Variants in LPAR5 observed in about 807,000 individuals in gnomAD.
LPAR5 encodes lysophosphatidic acid receptor 5.
For missense variants in LPAR5, 544 were observed against 521.8 expected, an observed-to-expected ratio of 1.04 and a Z score of -0.41; for synonymous variants, 271 against 261.6, an observed-to-expected ratio of 1.04 and a Z score of -0.35.
chr12:6,622,766 T>C (rs891614182), intron 1 of LPAR5, among the ~76,000 whole-genome samples: 1 of 151,036 alleles, frequency 6.6e-6, no homozygotes, highest in Non-Finnish European at 1.5e-5. Flanking sequence ...ATAAAAAATA[T>C]TAAAAAATTA....
chr12:6,620,977 T>C lies in LPAR5; in HGVS notation c.272A>G (p.Asp91Gly). 6.2e-7 allele frequency: 1 copy of C among 1,612,722 alleles called. No individual in the cohort carries two copies. Among genetic ancestry groups the C allele is most frequent in the African/African-American group, 1.3e-5 (1 of 74,812 alleles). The change falls in exon 2 of 2, where the codon GAC becomes GGC. Residue 91 changes from aspartate to glycine, a missense_variant. By Grantham distance (94) the Asp-to-Gly change is moderately conservative (BLOSUM62 -1). Coordinates refer to ENST00000329858, the MANE Select transcript of LPAR5 (RefSeq NM_020400.6). The surrounding 1 kb of genome is among the most constrained non-coding windows in gnomAD (Gnocchi z 6.8). Reference protein sequence around the residue: ...YYALHHWPFPDLLCQTTGAIF... With the variant: ...YYALHHWPFPGLLCQTTGAIF... ...GGCGCCCGTCGTCTGGCACAGGAGGTCGGGGAAGGGCCAGTGGTGCAGTGC... is the reference window on the plus strand; with the variant it reads ...GGCGCCCGTCGTCTGGCACAGGAGGCCGGGGAAGGGCCAGTGGTGCAGTGC...
At chr12:6,634,118 G>T (rs931754939) in intron 1 of LPAR5, among the ~76,000 whole-genome samples, 1 of 152,046 alleles carries the variant, frequency 6.6e-6, no homozygotes, top group Admixed American at 6.6e-5. Context: ...GGATTCTCCT[G>T]CCTCAGCCTC....
chr12:6,627,727 G>A (rs1948951445), intron 1 of LPAR5, among the ~76,000 whole-genome samples: 2 of 152,032 alleles, frequency 1.3e-5, no homozygotes, highest in Admixed American at 1.3e-4. Context: ...CCTAGGGTGG[G>A]AGCGCACCTT....
intron 1 of LPAR5, among the ~76,000 whole-genome samples, chr12:6,622,764 TATTAAAAA>T (rs1033273780): frequency 2.7e-5 from 4 of 150,878 alleles, no homozygotes; most frequent in South Asian, 4.2e-4. Flanking sequence ...AAATAAAAAA[TATTAAAAA>T]ATTAAAAAAT....
At chr12:6,628,669 G>A (rs1013411810) in intron 1 of LPAR5, among the ~76,000 whole-genome samples, 5 of 106,672 alleles carry the variant, frequency 4.7e-5, no homozygotes, top group Non-Finnish European at 9.6e-5. Context: ...TTTCACTTTT[G>A]TTGCCCAGAC....
chr12:6,627,380 A>G lies in LPAR5; in HGVS notation c.-216-5916T>C, dbSNP rs542099373. Among the ~76,000 whole-genome samples, 10 of 152,336 alleles carry G rather than the reference A, an allele frequency of 6.6e-5. No homozygotes were observed. The South Asian group carries it at 1.5e-3, about 22-fold the overall frequency. On this transcript the variant is annotated intron_variant, in intron 1 of 1. Transcript: ENST00000329858. ...GCCGAGGCAGGCGTATCACGAGGCC[A>G]GGAGTTCGAGACCAGCCTGGCCAAC...
chr12:6,632,031 G>C lies in LPAR5; in HGVS notation c.-217+3876C>G, dbSNP rs1211154785. Among the ~76,000 whole-genome samples, 3 of 152,104 alleles carry C rather than the reference G, an allele frequency of 2.0e-5. No individual in the cohort carries two copies. The East Asian group carries it at 5.8e-4, about 29-fold the overall frequency. On this transcript the variant is annotated intron_variant, in intron 1 of 1. Coordinates refer to ENST00000329858, the MANE Select transcript of LPAR5 (RefSeq NM_020400.6). ...CTGTCGCCTGAGCTGGAGTGCAACG[G>C]TGCAATCTCAGCTCACTGCAACCTC...
intron 1 of LPAR5, among the ~76,000 whole-genome samples, chr12:6,627,374 G>A (rs1948949110): frequency 6.6e-6 from 1 of 152,110 alleles, no homozygotes; most frequent in African/African-American, 2.4e-5. Flanking sequence ...GGCGTATCAC[G>A]AGGCCAGGAG....
At chr12:6,629,830 C>A (rs1187625192) in intron 1 of LPAR5, among the ~76,000 whole-genome samples, 1 of 151,618 alleles carries the variant, frequency 6.6e-6, no homozygotes, top group East Asian at 2.0e-4. Flanking sequence ...TCAAAACCAG[C>A]CTGGTCAACA....
intron 1 of LPAR5, among the ~76,000 whole-genome samples, chr12:6,631,969 G>A (rs538375559): frequency 6.0e-5 from 9 of 150,852 alleles, no homozygotes; most frequent in East Asian, 2.0e-4. Flanking sequence ...CTTTCTTTCC[G>A]TTTTTTTTTC....
At chr12:6,632,483 C>T (rs558684158) in intron 1 of LPAR5, among the ~76,000 whole-genome samples, 3 of 152,178 alleles carry the variant, frequency 2.0e-5, no homozygotes, top group East Asian at 1.9e-4. Context: ...CTAACCCACT[C>T]GCTGAATTAG....
At chr12:6,629,001 C>T (rs1948964435) in intron 1 of LPAR5, among the ~76,000 whole-genome samples, 1 of 148,250 alleles carries the variant, frequency 6.7e-6, no homozygotes, top group East Asian at 2.2e-4. Flanking sequence ...GAACTCCTGA[C>T]CTCAGGTAAT....
chr12:6,620,160 G>A lies in LPAR5; in HGVS notation c.1089C>T (p.Phe363=), dbSNP rs2136239107. The change falls in exon 2 of 2, where the codon TTC becomes TTT. Residue 363 remains phenylalanine (F), a synonymous_variant. Transcript: ENST00000329858. The surrounding 1 kb of genome is among the most constrained non-coding windows in gnomAD (Gnocchi z 6.8). ...GGGCGGAATCCTGGGGACACTGTGT[G>A]AAGGAAGACAGAGAGTGGGAGTCGG... is the stretch of plus-strand genomic sequence containing the variant. ...RPSDSHSLSS[F]TQCPQDSAL is the part of the protein sequence containing the mutation. 9 of 1,613,544 alleles carry A rather than the reference G, an allele frequency of 5.6e-6. No homozygotes were observed. The highest frequency in any genetic ancestry group is 7.6e-6 in the Non-Finnish European group (9 of 1,179,618).
intron 1 of LPAR5, among the ~76,000 whole-genome samples, chr12:6,625,701 C>T (rs892096366): frequency 2.2e-5 from 3 of 139,400 alleles, no homozygotes; most frequent in East Asian, 2.1e-4. Context: ...CCAGCCTGGG[C>T]GACAGTGAGA....
chr12:6,628,350 G>C (rs1028779442), intron 1 of LPAR5, among the ~76,000 whole-genome samples: 7 of 152,046 alleles, frequency 4.6e-5, no homozygotes, highest in African/African-American at 1.7e-4. Flanking sequence ...ATTACTTGGA[G>C]AACCAGTAGA....
intron 1 of LPAR5, among the ~76,000 whole-genome samples, chr12:6,622,751 AT>A (rs1264753087): frequency 6.6e-6 from 1 of 151,726 alleles, no homozygotes; most frequent in Non-Finnish European, 1.5e-5. Context: ...TCAAAAAAAA[AT>A]AAAATAAAAA....
intron 1 of LPAR5, among the ~76,000 whole-genome samples, chr12:6,631,312 A>G (rs1012776805): frequency 3.3e-5 from 5 of 152,324 alleles, no homozygotes; most frequent in Admixed American, 6.5e-5. Context: ...TGCATAGACA[A>G]CTGGGCTGGG....
chr12:6,629,097 C>A lies in LPAR5; in HGVS notation c.-217+6810G>T. On this transcript the variant is annotated intron_variant, in intron 1 of 1. Coordinates refer to ENST00000329858, the MANE Select transcript of LPAR5 (RefSeq NM_020400.6). ...TTCTGTTGAAAAAGTTACAATGTAC[C>A]GGGCACGGTGGCTCACGCCTGTAAT... Among the ~76,000 whole-genome samples, 2 of 145,880 alleles carry A rather than the reference C, an allele frequency of 1.4e-5. 1 individual carries two copies. Among genetic ancestry groups the A allele is most frequent in the Middle Eastern group, 6.9e-3 (2 of 290 alleles).
intron 1 of LPAR5, among the ~76,000 whole-genome samples, chr12:6,624,661 C>T (rs1043671209): frequency 3.9e-5 from 6 of 152,094 alleles, no homozygotes; most frequent in Non-Finnish European, 7.3e-5. Flanking sequence ...GCTCTTGTTG[C>T]GCAGGCTGGA....
Sources: allele counts gnomAD v4.1 joint callset (sites outside exome capture counted in the v4.1 genomes callset), GRCh38; gene constraint gnomAD v4.1.1; non-coding constraint Gnocchi (gnomAD v3.1); transcripts MANE v1.5; gene names NCBI Gene and HGNC (gene_info 2026-07-23, HGNC 2026-07-21).